RBFOX1: variants seen among roughly 807,000 people sequenced by gnomAD.
RBFOX1 encodes the protein RNA binding fox-1 homolog 1.
Under a neutral mutation model 57.7 loss-of-function variants are expected in RBFOX1, and 8 were observed. That is an observed-to-expected ratio of 0.14 (90% CI 0.08 to 0.25). The LOEUF (loss-of-function observed/expected upper bound fraction) is 0.25, where lower values mean the gene tolerates loss of function less well. Among genes scored for constraint, RBFOX1 ranks in the 10% least tolerant of loss-of-function variants. The pLI is 1.00. For synonymous variants in RBFOX1, 326 were observed against 222.4 expected, an observed-to-expected ratio of 1.47 and a Z score of -4.15; for missense variants, 611 against 548.5, an observed-to-expected ratio of 1.11 and a Z score of -1.14.
chr16:6,733,700 G>A (rs145894299), intron 3 of RBFOX1, among the ~76,000 whole-genome samples: 2 of 152,230 alleles, frequency 1.3e-5, no homozygotes, highest in Admixed American at 6.5e-5. Flanking sequence ...TGAGGCTGCA[G>A]TGAACTGAGA....
At chr16:5,441,759 T>A (rs1030850790) in intron 1 of RBFOX1, among the ~76,000 whole-genome samples, 6 of 152,090 alleles carry the variant, frequency 3.9e-5, no homozygotes, top group African/African-American at 1.4e-4. Flanking sequence ...ATGTCCTTCT[T>A]CACATGGCAG....
chr16:6,346,890 C>T (rs1413803871), intron 2 of RBFOX1, among the ~76,000 whole-genome samples: 4 of 151,962 alleles, frequency 2.6e-5, no homozygotes, highest in African/African-American at 9.7e-5. Flanking sequence ...TGGGAGAGCA[C>T]TACCTCAACA....
intron 4 of RBFOX1, among the ~76,000 whole-genome samples, chr16:7,461,635 C>T (rs540258267): frequency 1.3e-5 from 2 of 152,156 alleles, no homozygotes; most frequent in East Asian, 1.9e-4. Context: ...TTCCAAAAGC[C>T]GTACGTTTTC....
intron 1 of RBFOX1, among the ~76,000 whole-genome samples, chr16:5,273,379 A>G (rs899419267): frequency 6.6e-6 from 1 of 152,174 alleles, no homozygotes. Context: ...TGGAGATAAT[A>G]TAATGATGAA....
At chr16:6,557,589 C>G (rs936643004) in intron 2 of RBFOX1, among the ~76,000 whole-genome samples, 3 of 152,104 alleles carry the variant, frequency 2.0e-5, no homozygotes, top group African/African-American at 4.8e-5. Flanking sequence ...GTGGGTGTTG[C>G]CGAAGTCCTG....
intron 1 of RBFOX1, among the ~76,000 whole-genome samples, chr16:6,197,346 G>A (rs902197230): frequency 3.3e-5 from 5 of 151,730 alleles, no homozygotes; most frequent in African/African-American, 7.3e-5. Flanking sequence ...CCCTTCATTC[G>A]TTGTGTCTCA....
chr16:5,979,081 A>C (rs2060124909), intron 4 of RBFOX1, among the ~76,000 whole-genome samples: 1 of 152,210 alleles, frequency 6.6e-6, no homozygotes, highest in African/African-American at 2.4e-5. Flanking sequence ...ACTGGGAATG[A>C]GTGTTCCTTA....
chr16:5,473,882 A>AG (rs1257967294), intron 2 of RBFOX1, among the ~76,000 whole-genome samples: 1 of 100,826 alleles, frequency 9.9e-6, no homozygotes, highest in Admixed American at 1.5e-4. Context: ...GACAGATGTA[A>AG]GGGGGGTGGG....
intron 3 of RBFOX1, among the ~76,000 whole-genome samples, chr16:6,901,570 C>G (rs1030842738): frequency 5.9e-5 from 9 of 152,122 alleles, no homozygotes; most frequent in South Asian, 2.1e-4. Flanking sequence ...GTGGAATGTT[C>G]AACTCCTCAA....
chr16:5,423,234 G>T (rs1003239206), intron 1 of RBFOX1, among the ~76,000 whole-genome samples: 11 of 152,060 alleles, frequency 7.2e-5, no homozygotes, highest in South Asian at 2.1e-4. Context: ...GTGACATCTT[G>T]TACAACTATA....
intron 3 of RBFOX1, among the ~76,000 whole-genome samples, chr16:6,776,266 C>T (rs1047242879): frequency 6.6e-6 from 1 of 151,890 alleles, no homozygotes; most frequent in African/African-American, 2.4e-5. Flanking sequence ...AAAAAATTAG[C>T]CGGGCGTGGT....
At chr16:7,481,967 G>A (rs1385465870) in intron 4 of RBFOX1, among the ~76,000 whole-genome samples, 4 of 152,282 alleles carry the variant, frequency 2.6e-5, no homozygotes, top group South Asian at 2.1e-4. Flanking sequence ...TTATGAGAAC[G>A]CGAGATACGG....
intron 4 of RBFOX1, among the ~76,000 whole-genome samples, chr16:7,169,762 A>G (rs973567716): frequency 1.3e-5 from 2 of 152,124 alleles, no homozygotes; most frequent in Non-Finnish European, 2.9e-5. Flanking sequence ...TTACATGGGT[A>G]TTTTCACATT....
At chr16:7,050,241 CT>C (rs59142009) in intron 3 of RBFOX1, among the ~76,000 whole-genome samples, 1,546 of 141,804 alleles carry the variant, frequency 0.011, 12 homozygotes, top group Non-Finnish European at 0.018. Flanking sequence ...TCTTTAGCTT[CT>C]TTTTTTTTCC....
chr16:6,925,865 C>T (rs2075480378), intron 3 of RBFOX1, among the ~76,000 whole-genome samples: 1 of 152,046 alleles, frequency 6.6e-6, no homozygotes, highest in African/African-American at 2.4e-5. Context: ...AAAAAAAAAT[C>T]TGTAATTACA....
chr16:7,360,038 T>TTAATTACACTA (rs2097291864), intron 4 of RBFOX1, among the ~76,000 whole-genome samples: 1 of 152,106 alleles, frequency 6.6e-6, no homozygotes, highest in African/African-American at 2.4e-5. Flanking sequence ...ATCACTTTTT[T>TTAATTACACTA]TAATTACACT....
chr16:5,975,980 C>G (rs2060053929), intron 4 of RBFOX1, among the ~76,000 whole-genome samples: 1 of 151,974 alleles, frequency 6.6e-6, no homozygotes, highest in Admixed American at 6.6e-5. Context: ...CCCATCTCTG[C>G]TAATAATACA....
intron 4 of RBFOX1, among the ~76,000 whole-genome samples, chr16:7,158,612 TTGTA>T (rs564373183): frequency 4.7e-4 from 72 of 152,050 alleles, no homozygotes; most frequent in African/African-American, 1.7e-3. Flanking sequence ...GACCATGTGT[TTGTA>T]TGATGTGTCT....
intron 2 of RBFOX1, among the ~76,000 whole-genome samples, chr16:6,609,950 G>T (rs546052460): frequency 6.6e-6 from 1 of 152,062 alleles, no homozygotes; most frequent in African/African-American, 2.4e-5. Context: ...GGAGGTTGCC[G>T]TGAGCCGAGA....
Sources: gnomAD v4.1 joint callset for allele counts (sites outside exome capture counted in the v4.1 genomes callset) on GRCh38, gnomAD v4.1.1 for gene constraint, MANE v1.5 for transcripts, NCBI Gene and HGNC (gene_info 2026-07-23, HGNC 2026-07-21) for gene names.